Variants in NRG2 observed in about 807,000 individuals in gnomAD.
NRG2 encodes pro-neuregulin-2, membrane-bound isoform.
In NRG2, 27 loss-of-function variants were observed where a neutral mutation model predicts 73.9. The ratio of observed to expected loss-of-function variants is 0.37; its 90% CI spans 0.27 to 0.50. The LOEUF (loss-of-function observed/expected upper bound fraction) is 0.50, where lower values mean the gene tolerates loss of function less well. Among genes scored for constraint, NRG2 ranks in the 20% least tolerant of loss-of-function variants. NRG2 has a pLI of 0.96. For missense variants in NRG2, 1,126 were observed against 1,210.1 expected (o/e 0.93, Z 1.03); for synonymous variants, 532 against 541.0 (o/e 0.98, Z 0.23).
intron 2 of NRG2, among the ~76,000 whole-genome samples, chr5:139,886,189 G>A (rs1481376504): frequency 6.6e-6 from 1 of 152,162 alleles, no homozygotes. Flanking sequence ...TCATTTTCTT[G>A]AGTGATCAGT....
chr5:139,998,458 C>T (rs774930501), intron 1 of NRG2, among the ~76,000 whole-genome samples: 2 of 152,198 alleles, frequency 1.3e-5, no homozygotes, highest in Non-Finnish European at 2.9e-5. Flanking sequence ...TGGCAATCAA[C>T]CCCAGACCAA....
intron 1 of NRG2, among the ~76,000 whole-genome samples, chr5:139,891,769 C>T (rs896573500): frequency 2.6e-5 from 4 of 151,810 alleles, no homozygotes; most frequent in African/African-American, 9.7e-5. Flanking sequence ...TAGGTAGGGC[C>T]CAGGTTGACA....
At chr5:139,871,575 AG>A in intron 4 of NRG2, 145 bp downstream of exon 4, 1 of 1,015,320 alleles carries the variant, frequency 9.8e-7, no homozygotes, top group Non-Finnish European at 1.4e-6. Context: ...GGAAAGGGCT[AG>A]GAAGTAGGGC....
At chr5:139,893,397 C>A (rs551317039) in intron 1 of NRG2, among the ~76,000 whole-genome samples, 1 of 152,264 alleles carries the variant, frequency 6.6e-6, no homozygotes, top group East Asian at 1.9e-4. Flanking sequence ...AGGGGACCCT[C>A]AAAGGTCCAG....
intron 1 of NRG2, among the ~76,000 whole-genome samples, chr5:140,027,208 T>A (rs1760764544): frequency 1.3e-5 from 2 of 152,130 alleles, no homozygotes; most frequent in African/African-American, 2.4e-5. Flanking sequence ...GGTCTCAAAC[T>A]CCTGGGTTCA....
At chr5:139,848,779 G>GGT (rs2126990142) in intron 9 of NRG2, 82 bp from the exon 10 acceptor site, 1 of 198,602 alleles carries the variant, frequency 5.0e-6, no homozygotes, top group East Asian at 2.0e-4. Flanking sequence ...GGTAGGGTGG[G>GGT]AGGGGCGGAC....
intron 1 of NRG2, among the ~76,000 whole-genome samples, chr5:140,033,425 G>T (rs1204146234): frequency 6.6e-6 from 1 of 152,156 alleles, no homozygotes; most frequent in Non-Finnish European, 1.5e-5. Flanking sequence ...TGTGAGTATG[G>T]GTCTTAGTCC....
At chr5:140,022,056 C>T (rs1760274494) in intron 1 of NRG2, among the ~76,000 whole-genome samples, 1 of 152,206 alleles carries the variant, frequency 6.6e-6, no homozygotes, top group African/African-American at 2.4e-5. Flanking sequence ...TTCTCTCTTA[C>T]TGCTTCTCCA....
Position 139,847,641 on chromosome 5 carries a change from T to G in NRG2, c.*276A>C. ...ATTAAAGAGTCAAAAAATTGGCCCA[T>G]CTCTCTTTTTTTTTTGTTGTTTCTT... On this transcript the variant is annotated 3_prime_UTR_variant, in exon 10 of 10. Coordinates refer to ENST00000361474, the MANE Select transcript of NRG2 (RefSeq NM_004883.3). 1.7e-5 allele frequency: 5 copies of G among 288,248 alleles called. No individual in the cohort carries two copies. Among genetic ancestry groups the G allele is most frequent in the African/African-American group, 2.2e-5 (1 of 45,328 alleles). The allele number at this position is 288,248 out of a possible 1,614,324, so 17.9% of individuals were successfully genotyped here.
At chr5:139,987,114 G>A (rs1048599225) in intron 1 of NRG2, among the ~76,000 whole-genome samples, 4 of 151,892 alleles carry the variant, frequency 2.6e-5, no homozygotes, top group Non-Finnish European at 4.4e-5. Flanking sequence ...GCTCACGCCC[G>A]TAATCCTAGC....
chr5:139,887,248 C>T lies in NRG2; in HGVS notation c.872+92G>A. 5 of 1,462,294 alleles carry T rather than the reference C, an allele frequency of 3.4e-6. No homozygotes were observed. Among genetic ancestry groups the T allele is most frequent in the Non-Finnish European group, 4.7e-6 (5 of 1,060,050 alleles). The allele number at this position is 1,462,294 out of a possible 1,614,324, so 90.6% of individuals were successfully genotyped here. A position where few individuals can be genotyped will look rare whatever the true frequency, so the allele number is the denominator to read the frequency against. ...CTGGTTCCATGGGTGAGTCTGGGGG[C>T]ACAGCCCTGGCCTCTGCCCAGTTCA... On this transcript the variant is annotated intron_variant, in intron 2 of 9. Coordinates refer to ENST00000361474, the MANE Select transcript of NRG2 (RefSeq NM_004883.3). The surrounding 1 kb of genome is among the most constrained non-coding windows in gnomAD (Gnocchi z 4.5).
At chr5:140,041,874 G>A (rs1346725766) in intron 1 of NRG2, among the ~76,000 whole-genome samples, 1 of 151,914 alleles carries the variant, frequency 6.6e-6, no homozygotes, top group East Asian at 1.9e-4. Flanking sequence ...GGGGGCGGGG[G>A]CGACCATTCC....
chr5:140,013,179 G>C (rs566875596), intron 1 of NRG2, among the ~76,000 whole-genome samples: 3 of 152,230 alleles, frequency 2.0e-5, no homozygotes, highest in Admixed American at 6.5e-5. Flanking sequence ...ATATGCATCT[G>C]TCGGCATCCA....
At chr5:139,863,826 T>G (rs987032079) in intron 5 of NRG2, among the ~76,000 whole-genome samples, 2 of 152,174 alleles carry the variant, frequency 1.3e-5, no homozygotes, top group Non-Finnish European at 2.9e-5. Flanking sequence ...CACACTCTAT[T>G]AAGATAGTTG....
rs762876989 is a variant in NRG2, at chr5:139,852,769, T to A, written c.1416+135A>T. 1.6e-4 allele frequency: 243 copies of A among 1,483,476 alleles called. No individual in the cohort carries two copies. The highest frequency in any genetic ancestry group is 2.1e-4 in the Non-Finnish European group (227 of 1,093,040). 91.9% of individuals were successfully genotyped at this position (1,483,476 alleles called of 1,614,324 possible). On this transcript the variant is annotated intron_variant, in intron 7 of 9. Transcript: ENST00000361474. The surrounding 1 kb of genome is among the most constrained non-coding windows in gnomAD (Gnocchi z 4.4). Reference sequence around the variant, plus strand: ...GTGAGCAAACCAAGGCCAGCCATCCTGGTGAGGCAGTGCCTAGCAGGCAAG... The same window carrying A: ...GTGAGCAAACCAAGGCCAGCCATCCAGGTGAGGCAGTGCCTAGCAGGCAAG...
intron 1 of NRG2, among the ~76,000 whole-genome samples, chr5:139,942,875 G>A (rs907165076): frequency 6.6e-6 from 1 of 152,290 alleles, no homozygotes; most frequent in African/African-American, 2.4e-5. Flanking sequence ...CAGTCTCACT[G>A]TGTCATCCAG....
At chr5:139,952,773 G>A (rs139335820) in intron 1 of NRG2, among the ~76,000 whole-genome samples, 1,540 of 152,150 alleles carry the variant, frequency 0.01, 21 homozygotes, top group East Asian at 0.027. Context: ...GTGTGTGTGC[G>A]TGTGTGTGCA....
chr5:139,929,381 T>G (rs2126362847), intron 1 of NRG2, among the ~76,000 whole-genome samples: 1 of 152,362 alleles, frequency 6.6e-6, no homozygotes, highest in Non-Finnish European at 1.5e-5. Context: ...CAATGAATCC[T>G]GTGGCCTCAG....
Position 140,043,286 on chromosome 5 carries a change from A to G in NRG2, c.-217T>C, listed in dbSNP as rs1267357017. 1 of 551,444 alleles carries G rather than the reference A, an allele frequency of 1.8e-6. No individual in the cohort carries two copies. Among genetic ancestry groups the G allele is most frequent in the African/African-American group, 2.0e-5 (1 of 49,458 alleles). The allele number at this position is 551,444 out of a possible 1,614,324, so 34.2% of individuals were successfully genotyped here. ...CAGCGCTCCCACCCTGTGCGCCAGG[A>G]CCTGGAGGAGGATGCGGAGGATGGG... On this transcript the variant is annotated 5_prime_UTR_variant, in exon 1 of 10. Transcript: ENST00000361474. This position sits in a 1 kb window ranked among gnomAD's most constrained non-coding sequence, Gnocchi z 6.7.
Sources: allele counts gnomAD v4.1 joint callset (sites outside exome capture counted in the v4.1 genomes callset), GRCh38; gene constraint gnomAD v4.1.1; non-coding constraint Gnocchi (gnomAD v3.1); transcripts MANE v1.5; gene names NCBI Gene and HGNC (gene_info 2026-07-23, HGNC 2026-07-21).